Variants in CDCP2 observed in about 807,000 individuals in gnomAD.
The protein encoded by CDCP2 is CUB domain-containing protein 2.
A neutral mutation model predicts 31.0 loss-of-function variants in CDCP2; 31 were observed. The ratio of observed to expected loss-of-function variants is 1.00; its 90% CI spans 0.75 to 1.35. CDCP2 has a LOEUF of 1.35. Ranked by LOEUF, CDCP2 falls within the 40% of genes most tolerant of loss-of-function variation. The pLI, the probability that CDCP2 is intolerant of heterozygous loss-of-function variation, is 0.00. For synonymous variants in CDCP2, 206 were observed against 207.9 expected (o/e 0.99, Z 0.08); for missense variants, 443 against 482.6 (o/e 0.92, Z 0.77).
At chr1:54,139,904 G>A (rs909224548) in exon 4 of CDCP2, 39 of 1,614,044 alleles carry the variant, frequency 2.4e-5, no homozygotes, top group East Asian at 6.7e-5. Context: ...TGGCCCCATC[G>A]AAGGCCGCCA....
At chr1:54,152,784 T>C (rs1051457167) in intron 1 of CDCP2, 60 bp downstream of exon 1, 17 of 1,503,540 alleles carry the variant, frequency 1.1e-5, no homozygotes, top group Non-Finnish European at 1.6e-5. Flanking sequence ...CTTGAGCCCC[T>C]GGCTGTTGCC....
intron 5 of CDCP2, among the ~76,000 whole-genome samples, chr1:54,134,262 G>A (rs1266655604): frequency 3.3e-5 from 5 of 152,190 alleles, no homozygotes; most frequent in South Asian, 2.1e-4. Flanking sequence ...CTTTTCTCCC[G>A]ATGATATCTG....
At chr1:54,148,991 T>C (rs1021800064) in intron 1 of CDCP2, among the ~76,000 whole-genome samples, 2 of 146,988 alleles carry the variant, frequency 1.4e-5, no homozygotes, top group Non-Finnish European at 3.0e-5. Context: ...ATATATATAA[T>C]ATATAATATA....
intron 4 of CDCP2, chr1:54,138,143 A>G (rs1366042588): frequency 1.3e-5 from 2 of 152,324 alleles, no homozygotes; most frequent in Admixed American, 6.5e-5. Context: ...TCTCTGCAGA[A>G]GGGGCTTGTC....
chr1:54,148,900 T>C (rs1659522829), intron 1 of CDCP2, among the ~76,000 whole-genome samples: 1 of 150,116 alleles, frequency 6.7e-6, no homozygotes. Flanking sequence ...AATATAAAAG[T>C]CAAATATCAA....
intron 3 of CDCP2, 137 bp downstream of exon 3, chr1:54,140,961 A>G (rs139072540): frequency 1.5e-6 from 1 of 675,900 alleles, no homozygotes; most frequent in East Asian, 2.9e-5. Flanking sequence ...AGGGTATGCT[A>G]GAGCATTCCA....
intron 2 of CDCP2, 50 bp from the exon 3 acceptor site, chr1:54,141,483 A>T: frequency 1.3e-6 from 2 of 1,511,308 alleles, no homozygotes; most frequent in Non-Finnish European, 1.8e-6. Context: ...TGTGGCTCCC[A>T]GTTTCCTCCC....
intron 1 of CDCP2, among the ~76,000 whole-genome samples, chr1:54,147,946 A>T (rs1337167520): frequency 6.6e-6 from 1 of 151,530 alleles, no homozygotes; most frequent in African/African-American, 2.4e-5. Flanking sequence ...TGGGAGGTCA[A>T]GGCTACAGTG....
In CDCP2 at chr1:54,139,486, G is replaced by C. The variant is rs200949481; in HGVS notation, c.1117+267C>G. ...AGAGGGGCCAGGGGCCCAGGGGGAA[G>C]GAACCAGATGGGGAGGGGTGAGGAC... On this transcript the variant is annotated intron_variant, in intron 4 of 5. Coordinates refer to ENST00000530059, the Ensembl canonical transcript of CDCP2. The C allele has an allele frequency of 2.0e-3, 3,080 of 1,559,140 alleles. 5 individuals are homozygous for C. The highest frequency in any genetic ancestry group is 2.5e-3 in the Non-Finnish European group (2,827 of 1,142,248).
At chr1:54,139,892 G>A (rs756001400) in exon 4 of CDCP2, 15 of 1,614,054 alleles carry the variant, frequency 9.3e-6, no homozygotes, top group East Asian at 8.9e-5. Flanking sequence ...GTGCCTCCTC[G>A]CTGGCCCCAT....
At chr1:54,144,905 T>C in intron 1 of CDCP2, 92 bp from the exon 2 acceptor site, 1 of 928,234 alleles carries the variant, frequency 1.1e-6, no homozygotes, top group East Asian at 2.7e-5. Context: ...AGCTGGGTTC[T>C]TGGGATGGGA....
At position 54,144,586 on chromosome 1, in the gene CDCP2, C is replaced by G. The variant is rs962299792; in HGVS notation, c.307G>C (p.Gly103Arg). The change falls in exon 2 of 6, where the codon GGG (glycine) becomes CGG (arginine). Residue 103 changes from glycine to arginine, a missense_variant. Gly to Arg is a moderately radical substitution (Grantham distance 125, BLOSUM62 -2). Coordinates refer to ENST00000530059, the Ensembl canonical transcript of CDCP2. ...GGGGGCACCTTGCCGCAGAACCTCC[C>G]CAGCAGGTTGCCCTTGTCTGGTGAG... is the stretch of plus-strand genomic sequence containing the variant. The G allele has an allele frequency of 1.2e-6, 2 of 1,614,044 alleles. No homozygotes were observed. Among genetic ancestry groups the G allele is most frequent in the Non-Finnish European group, 1.7e-6 (2 of 1,180,010 alleles).
At chr1:54,147,336 C>T (rs1292205872) in intron 1 of CDCP2, among the ~76,000 whole-genome samples, 3 of 151,768 alleles carry the variant, frequency 2.0e-5, no homozygotes, top group South Asian at 2.1e-4. Flanking sequence ...AATTTAACAT[C>T]TACTTGGCCT....
At chr1:54,132,962 G>C (rs1211877687), downstream of CDCP2, 1 of 398,754 alleles carries the variant, frequency 2.5e-6, no homozygotes, top group Non-Finnish European at 4.4e-6. Flanking sequence ...TCCCTATGCT[G>C]TCTATTCAAA....
chr1:54,136,591 A>G (rs1659261146), intron 5 of CDCP2, 39 bp downstream of exon 5: 2 of 399,224 alleles, frequency 5.0e-6, no homozygotes, highest in Admixed American at 4.4e-5. Flanking sequence ...GCAGGGTCAG[A>G]GTCCCTCCCT....
chr1:54,141,442 G>C lies in CDCP2; in HGVS notation c.428-9C>G. The C allele has an allele frequency of 6.4e-7, 1 of 1,573,870 alleles. No homozygotes were observed. Among genetic ancestry groups the C allele is most frequent in the Non-Finnish European group, 8.6e-7 (1 of 1,158,806 alleles). On this transcript the variant is annotated splice_polypyrimidine_tract_variant and intron_variant, in intron 2 of 5. Coordinates refer to ENST00000530059, the Ensembl canonical transcript of CDCP2. ...GACGCCGCCACACACATCTGCAAGG[G>C]AGCCCACTTGAGCTGACCTTTCTTT...
exon 6 of CDCP2, chr1:54,133,083 A>T (rs1374815583): frequency 1.3e-5 from 5 of 399,012 alleles, no homozygotes; most frequent in Non-Finnish European, 4.4e-6. Context: ...TGGGCCCTCC[A>T]GTGCCTCCGC....
exon 2 of CDCP2, chr1:54,144,558 G>A (rs147325448): frequency 1.8e-5 from 29 of 1,613,730 alleles, no homozygotes; most frequent in African/African-American, 1.1e-4. Context: ...GGTGAAGGGC[G>A]GCGGGGGCAC....
At chr1:54,139,405 C>A (rs997385220) in intron 4 of CDCP2, 3 of 836,532 alleles carry the variant, frequency 3.6e-6, no homozygotes, top group East Asian at 2.7e-5. Context: ...TTGCCATAAA[C>A]AATATTACCA....
Sources: allele counts gnomAD v4.1 joint callset (sites outside exome capture counted in the v4.1 genomes callset), GRCh38; gene constraint gnomAD v4.1.1; transcripts MANE v1.5; gene names NCBI Gene and HGNC (gene_info 2026-07-23, HGNC 2026-07-21).